Variants in QKI observed in about 807,000 individuals in gnomAD.
The protein encoded by QKI is QKI, KH domain containing RNA binding, also known as KH domain-containing RNA-binding protein QKI.
Under a neutral mutation model 39.0 loss-of-function variants are expected in QKI, and 10 were observed. The observed-to-expected ratio is 0.26, with a 90% CI of 0.16 to 0.43. QKI has a LOEUF of 0.43. QKI is among the 20% of genes least tolerant of loss of function. The pLI, the probability that QKI is intolerant of heterozygous loss-of-function variation, is 1.00. For missense variants in QKI, 218 were observed against 428.0 expected (o/e 0.51, Z 4.33); for synonymous variants, 204 against 155.4 (o/e 1.31, Z -2.33).
intron 3 of QKI, among the ~76,000 whole-genome samples, chr6:163,531,031 T>A (rs547394374): frequency 7.9e-5 from 12 of 152,318 alleles, no homozygotes; most frequent in East Asian, 3.9e-4. Context: ...CATTTTTTTT[T>A]ATCTCTGTCT....
intron 3 of QKI, among the ~76,000 whole-genome samples, chr6:163,500,321 A>G (rs1378598322): frequency 6.6e-6 from 1 of 152,152 alleles, no homozygotes; most frequent in Non-Finnish European, 1.5e-5. Context: ...AGTTGAAGGA[A>G]GGGGATTCAT....
intron 3 of QKI, among the ~76,000 whole-genome samples, chr6:163,490,181 C>A (rs1777965601): frequency 6.6e-6 from 1 of 152,126 alleles, no homozygotes; most frequent in African/African-American, 2.4e-5. Context: ...TTAGAGGGAA[C>A]CTTATTAAGT....
intron 1 of QKI, among the ~76,000 whole-genome samples, chr6:163,443,846 G>A (rs1167015885): frequency 6.6e-6 from 1 of 152,162 alleles, no homozygotes; most frequent in Admixed American, 6.5e-5. Flanking sequence ...CTAGGAAAAA[G>A]CAATTTACCC....
intron 1 of QKI, among the ~76,000 whole-genome samples, chr6:163,426,008 C>T (rs1187133828): frequency 6.6e-6 from 1 of 152,136 alleles, no homozygotes; most frequent in African/African-American, 2.4e-5. Flanking sequence ...TCTTGACATT[C>T]TATCCCTAGA....
At chr6:163,484,092 C>A (rs771913244) in intron 3 of QKI, among the ~76,000 whole-genome samples, 8 of 152,064 alleles carry the variant, frequency 5.3e-5, no homozygotes, top group Non-Finnish European at 1.0e-4. Context: ...ATCTCTTTTT[C>A]TGAGCAATAT....
intron 4 of QKI, among the ~76,000 whole-genome samples, chr6:163,541,019 A>G (rs1781471488): frequency 6.6e-6 from 1 of 151,286 alleles, no homozygotes; most frequent in Non-Finnish European, 1.5e-5. Context: ...TCTTTATTCT[A>G]CTAAGGTTTA....
intron 3 of QKI, among the ~76,000 whole-genome samples, chr6:163,522,448 C>A (rs1397605727): frequency 6.6e-6 from 1 of 152,120 alleles, no homozygotes; most frequent in East Asian, 1.9e-4. Flanking sequence ...TGTTCTTTCC[C>A]CCACTCTGTT....
At chr6:163,472,042 A>G (rs908006733) in intron 2 of QKI, among the ~76,000 whole-genome samples, 1 of 152,276 alleles carries the variant, frequency 6.6e-6, no homozygotes, top group South Asian at 2.1e-4. Context: ...CTTAAACAAC[A>G]TGGGGCTGAG....
chr6:163,552,897 G>A (rs944091430), intron 4 of QKI, among the ~76,000 whole-genome samples: 1 of 151,544 alleles, frequency 6.6e-6, no homozygotes, highest in Non-Finnish European at 1.5e-5. Flanking sequence ...TTTTTGTCAG[G>A]CAATCATTAC....
chr6:163,568,427 T>C (rs1783504963), intron 7 of QKI: 2 of 985,158 alleles, frequency 2.0e-6, no homozygotes, highest in Admixed American at 6.1e-5. Flanking sequence ...CATGGATCTT[T>C]TGTAGTTACG....
intron 1 of QKI, among the ~76,000 whole-genome samples, chr6:163,416,143 CG>C (rs894464270): frequency 6.6e-6 from 1 of 150,944 alleles, no homozygotes; most frequent in African/African-American, 2.4e-5. Flanking sequence ...GGTTTGCTCC[CG>C]GGGACGCAGC....
At chr6:163,562,203 G>A in intron 5 of QKI, 134 bp downstream of exon 5, 1 of 463,836 alleles carries the variant, frequency 2.2e-6, no homozygotes, top group Non-Finnish European at 3.7e-6. Flanking sequence ...ACTTGATATG[G>A]GGCTGACAGT....
At chr6:163,564,614 G>GA (rs1583230144) in intron 6 of QKI, 3 of 1,612,736 alleles carry the variant, frequency 1.9e-6, no homozygotes, top group Non-Finnish European at 1.7e-6. Context: ...GGTTTTACAT[G>GA]AACAAAAAGT....
intron 3 of QKI, among the ~76,000 whole-genome samples, chr6:163,501,358 C>T (rs2038146): frequency 0.79 from 119,355 of 151,710 alleles, 47,126 homozygotes; most frequent in East Asian, 1. Flanking sequence ...GCTGCTTGTA[C>T]ATACAAGAGA....
chr6:163,493,639 G>A (rs899705673), intron 3 of QKI, among the ~76,000 whole-genome samples: 3 of 152,152 alleles, frequency 2.0e-5, no homozygotes, highest in African/African-American at 7.2e-5. Flanking sequence ...TGAGGTGGGA[G>A]GATCATTTGA....
intron 7 of QKI, chr6:163,569,299 T>C: frequency 9.7e-7 from 1 of 1,034,540 alleles, no homozygotes; most frequent in Non-Finnish European, 1.2e-6. Context: ...GAAAACATTT[T>C]TGTCATATGA....
intron 3 of QKI, among the ~76,000 whole-genome samples, chr6:163,498,666 A>G (rs1423306436): frequency 1.3e-5 from 2 of 151,500 alleles, no homozygotes; most frequent in African/African-American, 2.4e-5. Context: ...TTTTCCTCAC[A>G]TTGTTTTGAA....
intron 4 of QKI, among the ~76,000 whole-genome samples, chr6:163,558,037 T>C (rs1782746886): frequency 6.6e-6 from 1 of 152,206 alleles, no homozygotes; most frequent in Non-Finnish European, 1.5e-5. Context: ...GTGTTCTGTC[T>C]CTGTAGAGTT....
intron 3 of QKI, among the ~76,000 whole-genome samples, chr6:163,523,527 C>T (rs1229129481): frequency 6.6e-6 from 1 of 152,092 alleles, no homozygotes; most frequent in African/African-American, 2.4e-5. Context: ...TTAATAAATG[C>T]ATAATTACAG....
Sources: allele counts gnomAD v4.1 joint callset (sites outside exome capture counted in the v4.1 genomes callset), GRCh38; gene constraint gnomAD v4.1.1; transcripts MANE v1.5; gene names NCBI Gene and HGNC (gene_info 2026-07-23, HGNC 2026-07-21).